Variants in CDH11 observed in about 807,000 individuals in gnomAD.
The protein encoded by CDH11 is cadherin-11.
CDH11 carries 11 observed loss-of-function variants against 67.8 expected under a neutral mutation model. The observed-to-expected ratio is 0.16, with a 90% CI of 0.10 to 0.27. The LOEUF (loss-of-function observed/expected upper bound fraction) is 0.27. Ranked by LOEUF, CDH11 falls within the 10% of genes least tolerant of loss-of-function variation. The pLI is 1.00. For synonymous variants in CDH11, 419 were observed against 400.0 expected (o/e 1.05, Z -0.57); for missense variants, 847 against 1,031.2 (o/e 0.82, Z 2.45).
In CDH11 at chr16:64,946,868, T is replaced by C; in HGVS notation, c.*735A>G. The C allele has an allele frequency of 1.2e-6, 1 of 828,230 alleles. No individual in the cohort carries two copies. Among genetic ancestry groups the C allele is most frequent in the South Asian group, 5.7e-5 (1 of 17,422 alleles). 51.3% of individuals were successfully genotyped at this position (828,230 alleles called of 1,614,324 possible). A position where few individuals can be genotyped will look rare whatever the true frequency, so the allele number is the denominator to read the frequency against. Reference sequence around the variant, plus strand: ...CAGTACAATGTTCATAAAATATAAGTGTGATGCCGTAACATTTTCTTACAT... The same window carrying C: ...CAGTACAATGTTCATAAAATATAAGCGTGATGCCGTAACATTTTCTTACAT... On this transcript the variant is annotated 3_prime_UTR_variant, in exon 13 of 13. Transcript: ENST00000268603.
chr16:64,948,027 A>G lies in CDH11; in HGVS notation c.1967T>C (p.Val656Ala), dbSNP rs1225042663. The change falls in exon 13 of 13, where the codon GTC becomes GCC. Residue 656 changes from valine (V) to alanine (A), a missense_variant. By Grantham distance (64) the Val-to-Ala change is moderately conservative (BLOSUM62 0). Around this residue, in one of 2 missense-constraint regions of CDH11, gnomAD observed 612 missense variants for 678.7 expected, o/e 0.90. Coordinates refer to ENST00000268603, the MANE Select transcript of CDH11 (RefSeq NM_001797.4). ...ATCATAAGTAATGATGTTCTCACGG[A>G]CATCTTCTTCCTCAAAGACAATGAG... ...EPLIVFEEED[V>A]RENIITYDDE... 6.2e-7 allele frequency: 1 copy of G among 1,614,002 alleles called. No homozygotes were observed. Among genetic ancestry groups the G allele is most frequent in the Non-Finnish European group, 8.5e-7 (1 of 1,180,010 alleles).
chr16:65,036,213 T>C (rs552351888), intron 2 of CDH11, among the ~76,000 whole-genome samples: 1 of 152,324 alleles, frequency 6.6e-6, no homozygotes, highest in African/African-American at 2.4e-5. Context: ...GTGATGATCT[T>C]AGAGGTTTCA....
intron 2 of CDH11, among the ~76,000 whole-genome samples, chr16:65,049,724 G>A (rs539512348): frequency 3.3e-5 from 5 of 152,194 alleles, no homozygotes; most frequent in South Asian, 2.1e-4. Flanking sequence ...GTTGATTGTG[G>A]TGATGACAGT....
At chr16:65,064,222 G>A (rs968497291) in intron 1 of CDH11, among the ~76,000 whole-genome samples, 3 of 152,220 alleles carry the variant, frequency 2.0e-5, no homozygotes, top group African/African-American at 7.2e-5. Flanking sequence ...TGTGGAATTA[G>A]AAAGACTTTG....
chr16:64,972,859 T>C (rs2072047164), intron 9 of CDH11, 45 bp downstream of exon 9: 1 of 1,602,140 alleles, frequency 6.2e-7, no homozygotes, highest in Middle Eastern at 1.7e-4. Flanking sequence ...TCTGAAGCGA[T>C]AATACTTGGT....
Position 64,985,202 on chromosome 16 carries a change from C to G in CDH11, c.1000-2901G>C, listed in dbSNP as rs982920645. 1.5e-4 allele frequency: 23 copies of G among 152,168 alleles called. 1 individual carries two copies. The allele number at this position is 152,168 out of a possible 1,614,324, so 9.4% of individuals were successfully genotyped here. A position where few individuals can be genotyped will look rare whatever the true frequency, so the allele number is the denominator to read the frequency against. The stretch of plus-strand genomic sequence containing the variant: ...CAAATACCCCAAGGGTAGTTTCTCT[C>G]TTTCCTGTGCACTATTAAACTAAGA... On this transcript the variant is annotated intron_variant, in intron 7 of 12. Transcript: ENST00000268603.
chr16:64,986,584 A>G (rs1449030506), intron 7 of CDH11: 1 of 151,894 alleles, frequency 6.6e-6, no homozygotes, highest in Non-Finnish European at 1.5e-5. Context: ...AGATAGTAAT[A>G]TTAATTAACG....
chr16:64,954,957 A>T (rs935082486), intron 11 of CDH11, among the ~76,000 whole-genome samples: 12 of 151,748 alleles, frequency 7.9e-5, no homozygotes, highest in African/African-American at 2.7e-4. Context: ...ATAAAAAAAA[A>T]AAAAAAAGGC....
intron 1 of CDH11, among the ~76,000 whole-genome samples, chr16:65,094,249 A>C (rs544958922): frequency 5.9e-5 from 9 of 152,328 alleles, no homozygotes; most frequent in South Asian, 2.1e-4. Flanking sequence ...GTTCTTTCCT[A>C]GCAAGCCAAA....
chr16:64,997,948 T>C (rs904530711), intron 4 of CDH11, among the ~76,000 whole-genome samples: 14 of 152,216 alleles, frequency 9.2e-5, no homozygotes, highest in African/African-American at 3.4e-4. Context: ...AAAAGAAACA[T>C]TATGCAAATG....
chr16:65,109,742 T>A (rs2075125213), intron 1 of CDH11, among the ~76,000 whole-genome samples: 1 of 152,206 alleles, frequency 6.6e-6, no homozygotes, highest in South Asian at 2.1e-4. Flanking sequence ...TCCATCCACA[T>A]GCCAAGCTAT....
chr16:65,051,759 C>T (rs934012570), intron 2 of CDH11, among the ~76,000 whole-genome samples: 4 of 152,162 alleles, frequency 2.6e-5, no homozygotes, highest in African/African-American at 9.7e-5. Flanking sequence ...CCTCCCTTAA[C>T]ATATGCTTCT....
In CDH11 at chr16:65,033,841, G is replaced by T. The variant is rs1313279566; in HGVS notation, c.-173+19963C>A. Among the ~76,000 whole-genome samples the T allele has an allele frequency of 3.3e-5, 5 of 152,116 alleles. No individual in the cohort carries two copies. In the South Asian group the frequency reaches 1.0e-3, roughly 32 times the overall value. The stretch of plus-strand genomic sequence containing the variant: ...AGTATGTCATTAATGCATGAAGATG[G>T]GGATCATAGGTGTTTTGCTCATTTT... On this transcript the variant is annotated intron_variant, in intron 2 of 12. Transcript: ENST00000268603.
At chr16:65,067,183 A>G (rs894445378) in intron 1 of CDH11, among the ~76,000 whole-genome samples, 1 of 147,416 alleles carries the variant, frequency 6.8e-6, no homozygotes, top group South Asian at 2.1e-4. Flanking sequence ...CATGAAATAC[A>G]AAGAGTCAAC....
chr16:64,946,300 A>G lies in CDH11; in HGVS notation c.*1303T>C, dbSNP rs1567477894. The G allele has an allele frequency of 1.9e-6, 2 of 1,045,286 alleles. No homozygotes were observed. The highest frequency in any genetic ancestry group is 2.3e-6 in the Non-Finnish European group (2 of 866,618). The allele number at this position is 1,045,286 out of a possible 1,614,324, so 64.8% of individuals were successfully genotyped here. On this transcript the variant is annotated 3_prime_UTR_variant, in exon 13 of 13. Transcript: ENST00000268603. Reference sequence around the variant, plus strand: ...TCAACAGAAGAAAAAATAGAATAACATTAGAGTCTGGGCAAATTTATATTT... The same window carrying G: ...TCAACAGAAGAAAAAATAGAATAACGTTAGAGTCTGGGCAAATTTATATTT...
intron 11 of CDH11, among the ~76,000 whole-genome samples, chr16:64,965,991 T>C (rs986766144): frequency 6.6e-6 from 1 of 151,616 alleles, no homozygotes; most frequent in African/African-American, 2.4e-5. Context: ...GGTCAACCCA[T>C]TAAAAAGTAA....
Position 65,115,707 on chromosome 16 carries a change from C to CAAAA in CDH11, c.-298+6169_-298+6172dup, listed in dbSNP as rs750108148. On this transcript the variant is annotated intron_variant, in intron 1 of 12. Coordinates refer to ENST00000268603, the MANE Select transcript of CDH11 (RefSeq NM_001797.4). ...TCACTCACAAAATATAAGGCTACAC[C>CAAAA]AAAAAAAAAAAAAACAAAAAAACAA... Among the ~76,000 whole-genome samples the CAAAA allele has an allele frequency of 1.3e-3, 78 of 59,886 alleles. 2 individuals carry two copies. The highest frequency in any genetic ancestry group is 0.011 in the Middle Eastern group (1 of 88). 39.3% of individuals were successfully genotyped at this position (59,886 alleles called of 152,430 possible).
chr16:65,115,501 A>G (rs1464462993), intron 1 of CDH11, among the ~76,000 whole-genome samples: 1 of 152,120 alleles, frequency 6.6e-6, no homozygotes, highest in Non-Finnish European at 1.5e-5. Context: ...CAACCCCAGC[A>G]CACACTGAAG....
In CDH11 at chr16:64,988,300, C is replaced by T. The variant is rs1345384971; in HGVS notation, c.856G>A (p.Glu286Lys). 4 of 1,613,634 alleles carry T rather than the reference C, an allele frequency of 2.5e-6. No individual in the cohort carries two copies. Among genetic ancestry groups the T allele is most frequent in the Non-Finnish European group, 3.4e-6 (4 of 1,179,714 alleles). Reference sequence around the variant, plus strand: ...TCTTTAGCTTTCACTCTTCCTACTTCCTCCCCAGGGACGGCTGCTTCTGAC... The same window carrying T: ...TCTTTAGCTTTCACTCTTCCTACTTTCTCCCCAGGGACGGCTGCTTCTGAC... ...SVSEAAVPGE[E>K]VGRVKAKDPD... The change falls in exon 7 of 13, where the codon GAA becomes AAA. Residue 286 changes from glutamate to lysine, a missense_variant. Physicochemically the swap from Glu to Lys is moderately conservative, Grantham distance 56 (BLOSUM62 1). This residue lies in a region of CDH11 where 612 missense variants were observed against 678.7 expected (regional missense o/e 0.90). Transcript: ENST00000268603.
Sources: allele counts gnomAD v4.1 joint callset (sites outside exome capture counted in the v4.1 genomes callset), GRCh38; gene constraint gnomAD v4.1.1; regional missense constraint gnomAD v4.1.1; transcripts MANE v1.5; gene names NCBI Gene and HGNC (gene_info 2026-07-23, HGNC 2026-07-21).